Variants in OPCML observed in about 807,000 individuals in gnomAD.
OPCML encodes opioid-binding protein/cell adhesion molecule.
Under a neutral mutation model 37.8 loss-of-function variants are expected in OPCML, and 13 were observed. That is an observed-to-expected ratio of 0.34 (90% CI 0.22 to 0.55). The LOEUF (loss-of-function observed/expected upper bound fraction) is 0.55. Ranked by LOEUF, OPCML falls within the 20% of genes least tolerant of loss-of-function variation. The pLI is 0.91. For synonymous variants in OPCML, 176 were observed against 168.8 expected (o/e 1.04, Z -0.33); for missense variants, 341 against 435.6 (o/e 0.78, Z 1.93).
intron 1 of OPCML, chr11:133,004,881 T>C (rs191871702): frequency 2.6e-5 from 26 of 985,418 alleles, no homozygotes; most frequent in African/African-American, 3.5e-5. Context: ...CTGTGGTGTC[T>C]AGGTCCACTG....
chr11:132,715,565 G>T (rs936596225), intron 2 of OPCML, among the ~76,000 whole-genome samples: 5 of 152,084 alleles, frequency 3.3e-5, no homozygotes, highest in Non-Finnish European at 5.9e-5. Context: ...ATGGGGGTGG[G>T]GTCCTCATGA....
intron 3 of OPCML, among the ~76,000 whole-genome samples, chr11:132,543,793 A>T (rs748792414): frequency 6.6e-6 from 1 of 152,172 alleles, no homozygotes; most frequent in Non-Finnish European, 1.5e-5. Context: ...ATCATGCTGG[A>T]TCCACAAAAG....
intron 1 of OPCML, among the ~76,000 whole-genome samples, chr11:133,148,649 T>C (rs899586813): frequency 9.9e-5 from 15 of 152,166 alleles, no homozygotes; most frequent in East Asian, 1.9e-4. Flanking sequence ...GAAACATCCA[T>C]GCGCACTTCA....
At chr11:132,855,819 C>T (rs1942031596) in intron 2 of OPCML, among the ~76,000 whole-genome samples, 1 of 152,208 alleles carries the variant, frequency 6.6e-6, no homozygotes, top group South Asian at 2.1e-4. Context: ...ATGTGTTATA[C>T]AGCAAAAGAT....
intron 1 of OPCML, among the ~76,000 whole-genome samples, chr11:133,401,005 G>A (rs71477442): frequency 0.16 from 24,853 of 152,122 alleles, 2,116 homozygotes; most frequent in African/African-American, 0.19. Flanking sequence ...TGGAGAAAAG[G>A]TTATCTCATA....
intron 1 of OPCML, among the ~76,000 whole-genome samples, chr11:133,231,652 G>T (rs910555679): frequency 6.6e-6 from 1 of 152,240 alleles, no homozygotes; most frequent in Admixed American, 6.5e-5. Context: ...GAGACCTTAG[G>T]CTCTGAAGTC....
intron 4 of OPCML, among the ~76,000 whole-genome samples, chr11:132,456,907 C>T (rs898810803): frequency 6.6e-6 from 1 of 152,284 alleles, no homozygotes; most frequent in African/African-American, 2.4e-5. Flanking sequence ...CTGCATTAGG[C>T]AGAAGGAATA....
At chr11:132,896,761 T>C (rs1459761349) in intron 2 of OPCML, among the ~76,000 whole-genome samples, 3 of 152,236 alleles carry the variant, frequency 2.0e-5, no homozygotes, top group East Asian at 1.9e-4. Context: ...GAAACTACTG[T>C]GGACTTATGG....
intron 2 of OPCML, among the ~76,000 whole-genome samples, chr11:132,659,349 C>A (rs1244067851): frequency 6.6e-6 from 1 of 152,148 alleles, no homozygotes; most frequent in Non-Finnish European, 1.5e-5. Context: ...AAATATGCAA[C>A]CTTTCCTAAG....
chr11:132,914,968 C>G (rs1371748133), intron 2 of OPCML, among the ~76,000 whole-genome samples: 1 of 152,226 alleles, frequency 6.6e-6, no homozygotes, highest in Non-Finnish European at 1.5e-5. Context: ...TCACATTGCC[C>G]TCCAGGTCTG....
intron 2 of OPCML, among the ~76,000 whole-genome samples, chr11:132,669,576 G>T (rs1249434046): frequency 6.6e-6 from 1 of 152,170 alleles, no homozygotes; most frequent in Non-Finnish European, 1.5e-5. Flanking sequence ...TGAGCAAGCT[G>T]CTCGGGTATT....
At chr11:132,907,951 GAATGAGTC>G (rs1591787346) in intron 2 of OPCML, among the ~76,000 whole-genome samples, 1 of 152,080 alleles carries the variant, frequency 6.6e-6, no homozygotes, top group Non-Finnish European at 1.5e-5. Flanking sequence ...GAGAGATGTA[GAATGAGTC>G]AATGAAAAAA....
intron 1 of OPCML, among the ~76,000 whole-genome samples, chr11:133,180,425 T>G (rs1937769540): frequency 6.6e-6 from 1 of 152,062 alleles, no homozygotes; most frequent in Non-Finnish European, 1.5e-5. Context: ...CTCCCTCCCT[T>G]TCATCACCAC....
chr11:132,709,525 C>T (rs551273613), intron 2 of OPCML, among the ~76,000 whole-genome samples: 4 of 152,328 alleles, frequency 2.6e-5, no homozygotes, highest in African/African-American at 9.6e-5. Flanking sequence ...TAAATCTCCT[C>T]CAATCTGTAG....
At chr11:132,641,720 C>A (rs556542053) in intron 3 of OPCML, among the ~76,000 whole-genome samples, 1 of 152,148 alleles carries the variant, frequency 6.6e-6, no homozygotes, top group Admixed American at 6.5e-5. Flanking sequence ...GACATTTTGC[C>A]TCTATGTGTG....
intron 1 of OPCML, among the ~76,000 whole-genome samples, chr11:133,267,902 C>T (rs1941708946): frequency 6.6e-6 from 1 of 152,238 alleles, no homozygotes; most frequent in Admixed American, 6.5e-5. Flanking sequence ...GCCTCCCCAG[C>T]CATGTGGAAC....
intron 3 of OPCML, among the ~76,000 whole-genome samples, chr11:132,618,982 CACACACACACACACACA>C (rs1382264518): frequency 6.6e-6 from 1 of 150,902 alleles, no homozygotes; most frequent in East Asian, 2.0e-4. Context: ...CACACACACA[CACACACACACACACACA>C]CCGTGTTTAG....
chr11:133,373,356 A>G (rs1944718021), intron 1 of OPCML, among the ~76,000 whole-genome samples: 2 of 150,740 alleles, frequency 1.3e-5, no homozygotes, highest in South Asian at 2.1e-4. Context: ...TGAGACCAGG[A>G]GTTTGAGACC....
chr11:133,483,475 C>A (rs1475446809), intron 1 of OPCML, among the ~76,000 whole-genome samples: 1 of 151,654 alleles, frequency 6.6e-6, no homozygotes, highest in Non-Finnish European at 1.5e-5. Flanking sequence ...GAGAGACAGT[C>A]TTCTAGATTT....
Sources: gnomAD v4.1 joint callset for allele counts (sites outside exome capture counted in the v4.1 genomes callset) on GRCh38, gnomAD v4.1.1 for gene constraint, MANE v1.5 for transcripts, NCBI Gene and HGNC (gene_info 2026-07-23, HGNC 2026-07-21) for gene names.